RASGRP3: variants seen among roughly 807,000 people sequenced by gnomAD.
RASGRP3 encodes the protein ras guanyl-releasing protein 3.
Under a neutral mutation model 82.7 loss-of-function variants are expected in RASGRP3, and 54 were observed. The observed-to-expected ratio is 0.65, with a 90% CI of 0.52 to 0.82. The LOEUF (loss-of-function observed/expected upper bound fraction) is 0.82. Among genes scored for constraint, RASGRP3 ranks in the 40% least tolerant of loss-of-function variants. The probability of loss-of-function intolerance (pLI) is 0.00; values close to 1 mark genes in which losing one functional copy is unlikely to be tolerated. For missense variants in RASGRP3, 861 were observed against 828.9 expected (o/e 1.04, Z -0.48); for synonymous variants, 309 against 300.5 (o/e 1.03, Z -0.29).
intron 1 of RASGRP3, among the ~76,000 whole-genome samples, chr2:33,502,568 G>A (rs1404001921): frequency 6.7e-6 from 1 of 148,666 alleles, no homozygotes; most frequent in African/African-American, 2.5e-5. Context: ...TGCAGTGGCA[G>A]AATCTCGGCT....
At chr2:33,560,533 C>G (rs1422351566) in intron 17 of RASGRP3, among the ~76,000 whole-genome samples, 1 of 152,162 alleles carries the variant, frequency 6.6e-6, no homozygotes, top group Non-Finnish European at 1.5e-5. Flanking sequence ...GAAGAGGAGT[C>G]CATGCATTAA....
chr2:33,484,434 C>T (rs1397704166), intron 1 of RASGRP3, among the ~76,000 whole-genome samples: 1 of 152,214 alleles, frequency 6.6e-6, no homozygotes, highest in African/African-American at 2.4e-5. Flanking sequence ...TTGAATTCTG[C>T]TCAGCTTTCA....
chr2:33,510,696 C>T (rs968161710), intron 1 of RASGRP3, among the ~76,000 whole-genome samples: 6 of 152,136 alleles, frequency 3.9e-5, no homozygotes, highest in Non-Finnish European at 5.9e-5. Context: ...CTGCAGGCTC[C>T]GTGATGGATT....
At chr2:33,467,784 G>A (rs1223247156) in intron 2 of RASGRP3, among the ~76,000 whole-genome samples, 1 of 152,174 alleles carries the variant, frequency 6.6e-6, no homozygotes, top group African/African-American at 2.4e-5. Context: ...ACCTAAGGCG[G>A]TGGCTCAGAT....
chr2:33,460,109 A>G, intron 2 of RASGRP3, among the ~76,000 whole-genome samples: 1 of 152,264 alleles, frequency 6.6e-6, no homozygotes, highest in Non-Finnish European at 1.5e-5. Flanking sequence ...TTAGTGCAAC[A>G]CTGTTCATAG....
At chr2:33,441,441 A>G (rs1558388878) in intron 1 of RASGRP3, among the ~76,000 whole-genome samples, 3 of 152,346 alleles carry the variant, frequency 2.0e-5, no homozygotes, top group East Asian at 3.9e-4. Flanking sequence ...GCAATACCAG[A>G]AAACAACGCT....
intron 1 of RASGRP3, among the ~76,000 whole-genome samples, chr2:33,498,067 T>TA (rs1260366974): frequency 1.3e-5 from 2 of 152,092 alleles, no homozygotes; most frequent in African/African-American, 4.8e-5. Context: ...TATATGTAGG[T>TA]AAAATGTATG....
intron 4 of RASGRP3, 106 bp downstream of exon 4, chr2:33,516,750 G>A: frequency 1.3e-6 from 1 of 760,360 alleles, no homozygotes; most frequent in Admixed American, 2.7e-5. Flanking sequence ...AATAGTCTTT[G>A]GTTATCCAGC....
In RASGRP3 at chr2:33,468,182, A is replaced by T. The variant is rs536904083; in HGVS notation, c.-261+20239A>T. On this transcript the variant is annotated intron_variant, in intron 2 of 18. Coordinates refer to the RASGRP3 transcript ENST00000402538. ...ATGAACTAATAAATATTTATTATAG[A>T]AACAGTAGATAAATGCTGATGAGCA... is the stretch of plus-strand genomic sequence containing the variant. Among the ~76,000 whole-genome samples, 26 of 152,212 alleles carry T rather than the reference A, an allele frequency of 1.7e-4. No individual in the cohort carries two copies. The South Asian group carries it at 5.4e-3, about 32-fold the overall frequency.
At position 33,562,722 on chromosome 2, in the gene RASGRP3, G is replaced by A; in HGVS notation, c.2065-7G>A. On this transcript the variant is annotated splice_region_variant and splice_polypyrimidine_tract_variant and intron_variant, in intron 17 of 17. Coordinates refer to ENST00000403687, the MANE Select transcript of RASGRP3 (RefSeq NM_001139488.2). ...AGCCATGCAATAGGTTCCAATTTGT[G>A]TTTCAGGATGGCTGACTTCAGGCTG... 1.2e-6 allele frequency: 2 copies of A among 1,613,570 alleles called. No homozygotes were observed.
chr2:33,546,769 A>G (rs1223920741), intron 13 of RASGRP3, among the ~76,000 whole-genome samples: 1 of 152,008 alleles, frequency 6.6e-6, no homozygotes, highest in African/African-American at 2.4e-5. Flanking sequence ...TTATGCAGCC[A>G]TAAAAAAGAA....
chr2:33,492,524 T>C (rs1369064908), intron 1 of RASGRP3, among the ~76,000 whole-genome samples: 1 of 152,136 alleles, frequency 6.6e-6, no homozygotes, highest in Non-Finnish European at 1.5e-5. Context: ...AGATAGAGCC[T>C]ATAAGGAGGT....
intron 12 of RASGRP3, among the ~76,000 whole-genome samples, chr2:33,541,402 C>T (rs1674269830): frequency 6.8e-6 from 1 of 146,430 alleles, no homozygotes; most frequent in South Asian, 2.2e-4. Context: ...CAACTTTGTT[C>T]GATTATTTCT....
intron 2 of RASGRP3, among the ~76,000 whole-genome samples, chr2:33,463,858 C>T (rs1449428212): frequency 6.6e-6 from 1 of 151,686 alleles, no homozygotes; most frequent in Non-Finnish European, 1.5e-5. Flanking sequence ...CCTCGGCCTC[C>T]CGAAGTGCTG....
At chr2:33,516,797 C>T in intron 4 of RASGRP3, 153 bp downstream of exon 4, 3 of 532,058 alleles carry the variant, frequency 5.6e-6, no homozygotes, top group South Asian at 6.2e-5. Context: ...AGACAAAACA[C>T]ATCTGGATGA....
chr2:33,529,221 G>C (rs149082196), intron 10 of RASGRP3, among the ~76,000 whole-genome samples: 150 of 152,220 alleles, frequency 9.9e-4, no homozygotes, highest in Non-Finnish European at 1.8e-3. Context: ...CTGGCTGGGC[G>C]TGGTGGCTCA....
Position 33,471,517 on chromosome 2 carries a change from G to T in RASGRP3, c.-261+23574G>T, listed in dbSNP as rs116238133. On this transcript the variant is annotated intron_variant, in intron 2 of 18. Coordinates refer to the RASGRP3 transcript ENST00000402538. Reference sequence around the variant, plus strand: ...CATCTTTAGGGCAACCTATGTTTACGTATGAAGTTAGTCTGTGGTTTTCTT... The same window carrying T: ...CATCTTTAGGGCAACCTATGTTTACTTATGAAGTTAGTCTGTGGTTTTCTT... 7.7e-3 allele frequency among the ~76,000 whole-genome samples: 1,165 copies of T among 151,722 alleles called. 14 individuals are homozygous for T. Among genetic ancestry groups the T allele is most frequent in the Middle Eastern group, 0.021 (6 of 292 alleles).
In RASGRP3 at chr2:33,545,915, A is replaced by C. The variant is rs144657520; in HGVS notation, c.1394+2288A>C. ...TGCCTCCTGGGTTCAAGTGATTCTC[A>C]TGCCTGAGCCTCCTGAGTAGCTGGT... On this transcript the variant is annotated intron_variant, in intron 13 of 17. Transcript: ENST00000403687. Among the ~76,000 whole-genome samples, 432 of 151,948 alleles carry C rather than the reference A, an allele frequency of 2.8e-3. 1 individual carries two copies. The highest frequency in any genetic ancestry group is 8.0e-3 in the African/African-American group (332 of 41,474).
intron 1 of RASGRP3, among the ~76,000 whole-genome samples, chr2:33,483,162 A>C (rs1352685660): frequency 1.3e-5 from 2 of 152,182 alleles, no homozygotes; most frequent in East Asian, 1.9e-4. Flanking sequence ...TCAATGTATA[A>C]ATGATTTCTG....
Sources: gnomAD v4.1 joint callset for allele counts (sites outside exome capture counted in the v4.1 genomes callset) on GRCh38, gnomAD v4.1.1 for gene constraint, MANE v1.5 for transcripts, NCBI Gene and HGNC (gene_info 2026-07-23, HGNC 2026-07-21) for gene names.